Variants in DGKB observed in about 807,000 individuals in gnomAD.
DGKB encodes diacylglycerol kinase beta.
Under a neutral mutation model 114.3 loss-of-function variants are expected in DGKB, and 67 were observed. The observed-to-expected ratio is 0.59, with a 90% CI of 0.48 to 0.72. The LOEUF (loss-of-function observed/expected upper bound fraction) is 0.72, where lower values mean the gene tolerates loss of function less well. Among genes scored for constraint, DGKB ranks in the 30% least tolerant of loss-of-function variants. DGKB has a pLI of 0.00. For missense variants in DGKB, 907 were observed against 975.2 expected (o/e 0.93, Z 0.93); for synonymous variants, 398 against 323.1 (o/e 1.23, Z -2.49).
intron 21 of DGKB, among the ~76,000 whole-genome samples, chr7:14,390,243 A>G (rs1360183305): frequency 6.6e-6 from 1 of 152,216 alleles, no homozygotes; most frequent in Non-Finnish European, 1.5e-5. Flanking sequence ...TCTGAACAGT[A>G]AAAGCTATCA....
At chr7:14,677,322 T>A (rs1304615066) in intron 12 of DGKB, among the ~76,000 whole-genome samples, 1 of 151,964 alleles carries the variant, frequency 6.6e-6, no homozygotes, top group Non-Finnish European at 1.5e-5. Context: ...AATAAGCTAC[T>A]TTTCTAAAGA....
At chr7:14,172,003 GGCTGA>G (rs1371002203) in intron 25 of DGKB, among the ~76,000 whole-genome samples, 1 of 152,130 alleles carries the variant, frequency 6.6e-6, no homozygotes, top group Admixed American at 6.6e-5. Context: ...GAAACACTGA[GGCTGA>G]GCTTTTAGGC....
At chr7:14,592,798 T>C (rs1339093487) in intron 17 of DGKB, among the ~76,000 whole-genome samples, 1 of 151,948 alleles carries the variant, frequency 6.6e-6, no homozygotes, top group African/African-American at 2.4e-5. Flanking sequence ...ATCAATTTAA[T>C]GTGACTCTCT....
intron 21 of DGKB, among the ~76,000 whole-genome samples, chr7:14,360,186 C>G (rs191680286): frequency 1.3e-5 from 2 of 151,936 alleles, no homozygotes; most frequent in Non-Finnish European, 2.9e-5. Flanking sequence ...AGCTGGAAAC[C>G]ATCATTCTCA....
At chr7:14,247,399 T>G (rs1226304080) in intron 23 of DGKB, among the ~76,000 whole-genome samples, 1 of 152,290 alleles carries the variant, frequency 6.6e-6, no homozygotes, top group East Asian at 1.9e-4. Flanking sequence ...TAGGCAGTTC[T>G]GTTTTTAATT....
chr7:14,166,376 G>C (rs551950826), intron 25 of DGKB, among the ~76,000 whole-genome samples: 1 of 152,160 alleles, frequency 6.6e-6, no homozygotes, highest in South Asian at 2.1e-4. Context: ...AAGATTCAAG[G>C]TTTAGGGCAT....
At chr7:14,830,813 T>A (rs1019462627) in intron 2 of DGKB, among the ~76,000 whole-genome samples, 3 of 151,972 alleles carry the variant, frequency 2.0e-5, no homozygotes, top group African/African-American at 7.3e-5. Context: ...ATTTGACCTC[T>A]TGCCCCAAAT....
At chr7:14,773,286 A>C (rs1378550018) in intron 2 of DGKB, among the ~76,000 whole-genome samples, 1 of 152,122 alleles carries the variant, frequency 6.6e-6, no homozygotes. Context: ...TACTTGGGAA[A>C]ATTTGGTTGG....
intron 23 of DGKB, among the ~76,000 whole-genome samples, chr7:14,304,346 T>A (rs979603735): frequency 6.6e-6 from 1 of 152,054 alleles, no homozygotes; most frequent in Non-Finnish European, 1.5e-5. Flanking sequence ...ATTGCGGTGT[T>A]TTATAGATTT....
chr7:14,416,067 T>C (rs1825687181), intron 21 of DGKB, among the ~76,000 whole-genome samples: 1 of 152,170 alleles, frequency 6.6e-6, no homozygotes, highest in African/African-American at 2.4e-5. Context: ...CATAAATGTC[T>C]TCTTTTGAGA....
At chr7:14,862,196 G>T (rs1457161742) in intron 1 of DGKB, among the ~76,000 whole-genome samples, 1 of 151,960 alleles carries the variant, frequency 6.6e-6, no homozygotes, top group Non-Finnish European at 1.5e-5. Flanking sequence ...AGGCATACAA[G>T]GAGATGATTT....
chr7:14,467,900 T>C (rs767319251), intron 21 of DGKB, among the ~76,000 whole-genome samples: 8 of 152,192 alleles, frequency 5.3e-5, no homozygotes, highest in Non-Finnish European at 8.8e-5. Context: ...ATTAACCTCT[T>C]TGGAAAAAGT....
chr7:14,883,264 C>G (rs1161941610), intron 1 of DGKB, among the ~76,000 whole-genome samples: 8 of 151,714 alleles, frequency 5.3e-5, no homozygotes, highest in African/African-American at 1.4e-4. Context: ...CAATATATAC[C>G]TATATATTTG....
chr7:14,654,976 T>C (rs1326414555), intron 13 of DGKB, among the ~76,000 whole-genome samples: 1 of 151,828 alleles, frequency 6.6e-6, no homozygotes, highest in Non-Finnish European at 1.5e-5. Context: ...TGAGCAAAGA[T>C]TTTTATGGAT....
At chr7:14,599,178 T>C (rs962165783) in intron 17 of DGKB, among the ~76,000 whole-genome samples, 1 of 152,194 alleles carries the variant, frequency 6.6e-6, no homozygotes, top group African/African-American at 2.4e-5. Context: ...ATCATCATCA[T>C]TCTTCATTGC....
chr7:14,868,438 G>A (rs1165491880), intron 1 of DGKB, among the ~76,000 whole-genome samples: 4 of 151,404 alleles, frequency 2.6e-5, no homozygotes, highest in East Asian at 1.9e-4. Context: ...GGGTTCAAGC[G>A]ATTCTCCTGC....
chr7:14,428,820 CA>C (rs1438337691), intron 21 of DGKB, among the ~76,000 whole-genome samples: 1 of 151,910 alleles, frequency 6.6e-6, no homozygotes, highest in East Asian at 1.9e-4. Flanking sequence ...GATCTGAGAA[CA>C]AAAAAACCCA....
intron 13 of DGKB, among the ~76,000 whole-genome samples, chr7:14,650,953 G>A (rs1814329203): frequency 6.6e-6 from 1 of 152,068 alleles, no homozygotes; most frequent in South Asian, 2.1e-4. Context: ...CCAGGAAGAA[G>A]TTGAATCTCT....
intron 21 of DGKB, among the ~76,000 whole-genome samples, chr7:14,472,181 G>T (rs1781515582): frequency 6.6e-6 from 1 of 152,150 alleles, no homozygotes; most frequent in African/African-American, 2.4e-5. Context: ...ACCTGATACG[G>T]TTTGGCTGTT....
Sources: allele counts gnomAD v4.1 joint callset (sites outside exome capture counted in the v4.1 genomes callset), GRCh38; gene constraint gnomAD v4.1.1; transcripts MANE v1.5; gene names NCBI Gene and HGNC (gene_info 2026-07-23, HGNC 2026-07-21).